AGRN: variants seen among roughly 807,000 people sequenced by gnomAD.
AGRN encodes the protein agrin.
A neutral mutation model predicts 211.0 loss-of-function variants in AGRN; 106 were observed. The ratio of observed to expected loss-of-function variants is 0.50; its 90% CI spans 0.43 to 0.59. The LOEUF (loss-of-function observed/expected upper bound fraction) is 0.59. Among genes scored for constraint, AGRN ranks in the 20% least tolerant of loss-of-function variants. The probability of loss-of-function intolerance (pLI) is 0.00; values close to 1 mark genes in which losing one functional copy is unlikely to be tolerated. For missense variants in AGRN, 3,040 were observed against 2,982.6 expected, an observed-to-expected ratio of 1.02 and a Z score of -0.45; for synonymous variants, 1,525 against 1,332.5, an observed-to-expected ratio of 1.14 and a Z score of -3.15.
In AGRN at chr1:1,050,429, A is replaced by T; in HGVS notation, c.4979A>T (p.Glu1660Val). 5 of 1,612,880 alleles carry T rather than the reference A, an allele frequency of 3.1e-6. No homozygotes were observed. The highest frequency in any genetic ancestry group is 4.2e-6 in the Non-Finnish European group (5 of 1,179,876). Residue 1660 changes from glutamate to valine, a missense_variant and splice_region_variant, in exon 29 of 36, where the codon GAG becomes GTG. By Grantham distance (121) the Glu-to-Val change is moderately radical. Coordinates refer to ENST00000379370, the MANE Select transcript of AGRN (RefSeq NM_198576.4). ...GLHTFARDLG[E>V]KMALEVVFLA... ...ACCCCGACTCCCCATGACCCCAGGG[A>T]GAAGATGGCGCTGGAGGTCGTGTTC...
Position 1,048,175 on chromosome 1 carries a change from C to T in AGRN, c.3915C>T (p.Pro1305=), listed in dbSNP as rs1385745810. ...SQPVAKTTAA[P]TTRRPPTTAP... is the part of the protein sequence containing the mutation. ...CCGTTGCCAAGACCACGGCAGCCCC[C>T]ACCACACGTCGGCCCCCCACCACTG... The change falls in exon 23 of 36, where the codon CCC becomes CCT. Residue 1305 remains proline (P), a synonymous_variant. Transcript: ENST00000379370. The surrounding 1 kb of genome is among the most constrained non-coding windows in gnomAD (Gnocchi z 5.9). 1 of 1,575,988 alleles carries T rather than the reference C, an allele frequency of 6.3e-7. No homozygotes were observed. Among genetic ancestry groups the T allele is most frequent in the South Asian group, 1.1e-5 (1 of 87,042 alleles).
rs758744304 is a variant in AGRN at position 1,051,982 on chromosome 1, T to C, written c.5651+167T>C. On this transcript the variant is annotated intron_variant, in intron 33 of 35. Transcript: ENST00000379370. ...CTCCCGCCTCTCACTGTCTGTCTCT[T>C]TGTTTCCAAGCGAACTGGCCAATGA... The C allele has an allele frequency of 5.2e-6, 8 of 1,544,786 alleles. No homozygotes were observed. In the South Asian group the frequency reaches 7.2e-5, roughly 14 times the overall value.
At chr1:1,026,164 C>T (rs1446164927) in intron 2 of AGRN, among the ~76,000 whole-genome samples, 1 of 152,148 alleles carries the variant, frequency 6.6e-6, no homozygotes, top group African/African-American at 2.4e-5. Context: ...AGAGAACAGC[C>T]CTGGCTCCAT....
In AGRN at chr1:1,053,188, C is replaced by T. The variant is rs185376132; in HGVS notation, c.5652-565C>T. ...TGGCTGTGCTCCCCTGCTGTCTGCA[C>T]GTGGGTGTCTGCACGTGGGTGTCTG... is the stretch of plus-strand genomic sequence containing the variant. On this transcript the variant is annotated intron_variant, in intron 33 of 35. Transcript: ENST00000379370. The T allele has an allele frequency of 1.9e-3, 606 of 312,184 alleles. 2 individuals are homozygous for T. The highest frequency in any genetic ancestry group is 0.013 in the African/African-American group (554 of 43,518). The allele number at this position is 312,184 out of a possible 1,614,324, so 19.3% of individuals were successfully genotyped here. A position where few individuals can be genotyped will look rare whatever the true frequency, so the allele number is the denominator to read the frequency against.
In AGRN at chr1:1,051,670, C is replaced by T. The variant is rs562723327; in HGVS notation, c.5563+25C>T. 459 of 1,612,678 alleles carry T rather than the reference C, an allele frequency of 2.8e-4. 3 individuals are homozygous for T. In the South Asian group the frequency reaches 4.5e-3, roughly 16 times the overall value. ...GGTGAGCCTGGCACAGGGCAGGGGG[C>T]GGAGGCCGGATGGGCCCGGAGCCCA... is the stretch of plus-strand genomic sequence containing the variant. On this transcript the variant is annotated intron_variant, in intron 32 of 35. Transcript: ENST00000379370.
chr1:1,025,033 A>C (rs1644489580), intron 2 of AGRN, among the ~76,000 whole-genome samples: 3 of 151,182 alleles, frequency 2.0e-5, no homozygotes, highest in East Asian at 2.0e-4. Context: ...CTCCCAGCCC[A>C]CCTCACAAAG....
chr1:1,052,022 T>C (rs1442057582), intron 33 of AGRN: 2 of 1,525,440 alleles, frequency 1.3e-6, no homozygotes, highest in Non-Finnish European at 8.8e-7. Context: ...CCCGTGTGAG[T>C]AGAGCTCGGC....
Position 1,020,243 on chromosome 1 carries a change from T to A in AGRN, c.71T>A (p.Leu24Gln). 1 of 1,448,088 alleles carries A rather than the reference T, an allele frequency of 6.9e-7. No homozygotes were observed. The allele number at this position is 1,448,088 out of a possible 1,614,324, so 89.7% of individuals were successfully genotyped here. A position where few individuals can be genotyped will look rare whatever the true frequency, so the allele number is the denominator to read the frequency against. The change falls in exon 1 of 36, where the codon CTG becomes CAG. Residue 24 changes from leucine to glutamine, a missense_variant. This residue lies in a region of AGRN where 1,498 missense variants were observed against 1,457.8 expected (regional missense o/e 1.03). Coordinates refer to ENST00000379370, the MANE Select transcript of AGRN (RefSeq NM_198576.4). ...CTCCTTGTGGTGGCCGCGTGCGTCC[T>A]GCCCGGAGCCGGCGGGACATGCCCG... ...LPLLVVAACV[L>Q]PGAGGTCPER... is the part of the protein sequence containing the mutation.
At position 1,041,623 on chromosome 1, in the gene AGRN, C is replaced by G; in HGVS notation, c.1098C>G (p.Asn366Lys). Residue 366 changes from asparagine to lysine, a missense_variant, in exon 6 of 36, where the codon AAC becomes AAG. By Grantham distance (94) the Asn-to-Lys change is moderately conservative. This residue lies in a region of AGRN where 1,498 missense variants were observed against 1,457.8 expected (regional missense o/e 1.03). Coordinates refer to ENST00000379370, the MANE Select transcript of AGRN (RefSeq NM_198576.4). ...GGGACGACGGAGTCACCTACGAAAA[C>G]GACTGTGTCATGGGCCGATCGGGGG... ...VCGDDGVTYE[N>K]DCVMGRSGAA... is the part of the protein sequence containing the mutation. 1 of 1,611,412 alleles carries G rather than the reference C, an allele frequency of 6.2e-7. No individual in the cohort carries two copies. Among genetic ancestry groups the G allele is most frequent in the Non-Finnish European group, 8.5e-7 (1 of 1,179,240 alleles).
chr1:1,046,607 T>C lies in AGRN; in HGVS notation c.3122T>C (p.Val1041Ala), dbSNP rs749311162. 3 of 1,604,296 alleles carry C rather than the reference T, an allele frequency of 1.9e-6. No individual in the cohort carries two copies. Among genetic ancestry groups the C allele is most frequent in the East Asian group, 2.2e-5 (1 of 44,836 alleles). Residue 1041 changes from valine to alanine, a missense_variant, in exon 18 of 36, where the codon GTG becomes GCG. Val to Ala is a moderately conservative substitution (Grantham distance 64). This residue lies in a region of AGRN where 1,537 missense variants were observed against 1,505.0 expected (regional missense o/e 1.02). Coordinates refer to ENST00000379370, the MANE Select transcript of AGRN (RefSeq NM_198576.4). Reference sequence around the variant, plus strand: ...ACCACCGTGTGGCCCGTGCTGACGGTGCCCCCCACGGCACCCTCCCCTGCA... The same window carrying C: ...ACCACCGTGTGGCCCGTGCTGACGGCGCCCCCCACGGCACCCTCCCCTGCA... ...PRTTVWPVLT[V>A]PPTAPSPAPS...
chr1:1,043,067 C>T (rs531585012), intron 7 of AGRN, among the ~76,000 whole-genome samples, 172 bp from the exon 8 acceptor site: 2 of 152,242 alleles, frequency 1.3e-5, no homozygotes, highest in East Asian at 1.9e-4. Context: ...TCGCCTCTGC[C>T]GCGTGTCTGT....
At chr1:1,021,087 A>AC (rs928748369) in intron 1 of AGRN, among the ~76,000 whole-genome samples, 3 of 151,792 alleles carry the variant, frequency 2.0e-5, no homozygotes, top group East Asian at 3.9e-4. Flanking sequence ...GCGCCCGTGT[A>AC]CCCCCAAAAC....
In AGRN at chr1:1,049,815, G is replaced by A. The variant is rs765171221; in HGVS notation, c.4744+20G>A. 57 of 1,606,758 alleles carry A rather than the reference G, an allele frequency of 3.5e-5. No individual in the cohort carries two copies. The highest frequency in any genetic ancestry group is 1.8e-4 in the East Asian group (8 of 44,646). On this transcript the variant is annotated intron_variant, in intron 26 of 35. Transcript: ENST00000379370. ...GCGTCGGTGAGGGTGGGGCCGGGGCGGGTGGGAGTGGGACCCCGGGGCCTG... is the reference window on the plus strand; with the variant it reads ...GCGTCGGTGAGGGTGGGGCCGGGGCAGGTGGGAGTGGGACCCCGGGGCCTG...
In AGRN at chr1:1,051,063, C is replaced by T. The variant is rs2710887; in HGVS notation, c.5254-190C>T. ...CGCAAGGTACTGTCGGCCTCTCATCCGCTCACCGTCTCTGGCGCCTCAACC... is the reference window on the plus strand; with the variant it reads ...CGCAAGGTACTGTCGGCCTCTCATCTGCTCACCGTCTCTGGCGCCTCAACC... On this transcript the variant is annotated intron_variant, in intron 30 of 35. Transcript: ENST00000379370. The T allele has an allele frequency of 0.89, 1,379,373 of 1,548,592 alleles. 623,518 individuals carry two copies. Among genetic ancestry groups the T allele is most frequent in the East Asian group, 1 (40,756 of 40,858 alleles).
At position 1,048,413 on chromosome 1, in the gene AGRN, GCAAGGATT is replaced by G; in HGVS notation, c.4105+49_4105+56del. ...AGGGCGGGGAGGCAGCAGGGTGGGGGCAAGGATTGGGGGTGGGGCTAAGCCACCATCAG... is the reference window on the plus strand; with the variant it reads ...AGGGCGGGGAGGCAGCAGGGTGGGGGGGGGGTGGGGCTAAGCCACCATCAG... On this transcript the variant is annotated intron_variant, in intron 23 of 35. Transcript: ENST00000379370. The surrounding 1 kb of genome is among the most constrained non-coding windows in gnomAD (Gnocchi z 5.9). The G allele has an allele frequency of 4.9e-6, 4 of 819,444 alleles. No homozygotes were observed. Among genetic ancestry groups the G allele is most frequent in the Non-Finnish European group, 7.5e-6 (4 of 530,754 alleles). The allele number at this position is 819,444 out of a possible 1,614,324, so 50.8% of individuals were successfully genotyped here.
chr1:1,021,060 C>T (rs1450343258), intron 1 of AGRN, among the ~76,000 whole-genome samples: 2 of 152,128 alleles, frequency 1.3e-5, no homozygotes, highest in Non-Finnish European at 2.9e-5. Context: ...AGTAGGGGCT[C>T]GGGGGACCCA....
chr1:1,029,880 A>G (rs1422543552), intron 2 of AGRN, among the ~76,000 whole-genome samples: 1 of 57,876 alleles, frequency 1.7e-5, no homozygotes, highest in African/African-American at 6.2e-5. Context: ...TGTGCAGTGC[A>G]TGGTGCTGTG....
rs1172479989 is a variant in AGRN at position 1,046,168 on chromosome 1, G to A, written c.2814G>A (p.Gly938=). ...CPEANATKVC[G]SDGVTYGNEC... is the part of the protein sequence containing the mutation. ...CTTGTTCTCTGCCCCAGGTCTGTGG[G>A]TCAGATGGAGTCACATACGGCAACG... Residue 938 remains glycine, a synonymous_variant, in exon 17 of 36, where the codon GGG becomes GGA. Transcript: ENST00000379370. 1.2e-6 allele frequency: 2 copies of A among 1,613,916 alleles called. No individual in the cohort carries two copies. Among genetic ancestry groups the A allele is most frequent in the Non-Finnish European group, 1.7e-6 (2 of 1,180,008 alleles).
Position 1,051,493 on chromosome 1 carries a change from T to C in AGRN, c.5411T>C (p.Val1804Ala). The change falls in exon 32 of 36, where the codon GTG becomes GCG. Residue 1804 changes from valine (V) to alanine (A), a missense_variant. Physicochemically the swap from Val to Ala is moderately conservative, Grantham distance 64. Transcript: ENST00000379370. ...CGCCAGCTGCTGACCCCGGAGCACG[T>C]GCTGCGGCAGGTGGACGTCACGTCC... ...GGRQLLTPEHVLRQVDVTSFA... is the reference protein window; with the variant it reads ...GGRQLLTPEHALRQVDVTSFA... 6.4e-7 allele frequency: 1 copy of C among 1,570,916 alleles called. No homozygotes were observed. The highest frequency in any genetic ancestry group is 8.6e-7 in the Non-Finnish European group (1 of 1,161,610).
Sources: gnomAD v4.1 joint callset for allele counts (sites outside exome capture counted in the v4.1 genomes callset) on GRCh38, gnomAD v4.1.1 for gene constraint, gnomAD v4.1.1 regional missense constraint, Gnocchi (gnomAD v3.1) non-coding constraint, MANE v1.5 for transcripts, NCBI Gene and HGNC (gene_info 2026-07-23, HGNC 2026-07-21) for gene names.